Variants in PRDM16 observed in about 807,000 individuals in gnomAD.
PRDM16 encodes the protein histone-lysine N-methyltransferase PRDM16.
Under a neutral mutation model 110.6 loss-of-function variants are expected in PRDM16, and 23 were observed. The observed-to-expected ratio is 0.21, with a 90% CI of 0.15 to 0.29. The LOEUF (loss-of-function observed/expected upper bound fraction) is 0.29, where lower values mean the gene tolerates loss of function less well. PRDM16 is among the 10% of genes least tolerant of loss of function. The probability of loss-of-function intolerance (pLI) is 1.00; values close to 1 mark genes in which losing one functional copy is unlikely to be tolerated. For synonymous variants in PRDM16, 799 were observed against 781.8 expected, an observed-to-expected ratio of 1.02 and a Z score of -0.37; for missense variants, 1,615 against 1,794.3, an observed-to-expected ratio of 0.90 and a Z score of 1.81.
intron 1 of PRDM16, among the ~76,000 whole-genome samples, chr1:3,134,899 AG>A (rs1266548121): frequency 6.6e-6 from 1 of 152,114 alleles, no homozygotes; most frequent in Non-Finnish European, 1.5e-5. Flanking sequence ...GAGCCCGGCG[AG>A]GGGATCGGGC....
Position 3,080,160 on chromosome 1 carries a change from A to G in PRDM16, c.37+10864A>G, listed in dbSNP as rs543349449. On this transcript the variant is annotated intron_variant, in intron 1 of 16. Transcript: ENST00000270722. The surrounding 1 kb of genome is among the most constrained non-coding windows in gnomAD (Gnocchi z 5.2). The stretch of plus-strand genomic sequence containing the variant: ...GATAATCCCGGGCCCTGGTGCTTGC[A>G]TTTAGAAAAATTAGGCCCTCTTGAA... Among the ~76,000 whole-genome samples, 5 of 152,356 alleles carry G rather than the reference A, an allele frequency of 3.3e-5. No individual in the cohort carries two copies. The highest frequency in any genetic ancestry group is 5.9e-5 in the Non-Finnish European group (4 of 68,038).
Position 3,412,495 on chromosome 1 carries a change from C to T in PRDM16, c.2298C>T (p.Gly766=), listed in dbSNP as rs748019115. ...CCCGGGACGCCCTCAAGGTGGGCGG[C>T]CCCAGTGCCGAGTGCCCCTTTGATC... ...KSPRDALKVG[G]PSAECPFDLT... Residue 766 remains glycine (G), a synonymous_variant, in exon 9 of 17, where the codon GGC becomes GGT. Coordinates refer to ENST00000270722, the MANE Select transcript of PRDM16 (RefSeq NM_022114.4). 8 of 1,613,146 alleles carry T rather than the reference C, an allele frequency of 5.0e-6. No homozygotes were observed. The East Asian group carries it at 1.6e-4, about 31-fold the overall frequency.
intron 3 of PRDM16, among the ~76,000 whole-genome samples, chr1:3,262,070 G>C (rs557627299): frequency 2.0e-4 from 31 of 152,316 alleles, no homozygotes; most frequent in South Asian, 1.2e-3. Context: ...TGACTAATGC[G>C]CCCTCAGGCA....
In PRDM16 at chr1:3,094,832, T is replaced by C. The variant is rs1557441678; in HGVS notation, c.37+25536T>C. On this transcript the variant is annotated intron_variant, in intron 1 of 16. Transcript: ENST00000270722. The stretch of plus-strand genomic sequence containing the variant: ...AGGTGGGGCCTTGTCCCTGCTGCGG[T>C]TGCCGAGGGACTCTGGGTGGGAAGG... Among the ~76,000 whole-genome samples, 6 of 152,066 alleles carry C rather than the reference T, an allele frequency of 3.9e-5. No homozygotes were observed. In the South Asian group the frequency reaches 1.2e-3, roughly 32 times the overall value.
rs1339836733 is a variant in PRDM16 at position 3,358,946 on chromosome 1, G to C, written c.439-26206G>C. On this transcript the variant is annotated intron_variant, in intron 3 of 16. Transcript: ENST00000270722. The surrounding 1 kb of genome is among the most constrained non-coding windows in gnomAD (Gnocchi z 4.0). ...CCGGCTCCCATGAGGAATCAGAGGG[G>C]GAAAGCACAGCCGCTGTGGCTCATG... is the stretch of plus-strand genomic sequence containing the variant. Among the ~76,000 whole-genome samples, 1 of 152,190 alleles carries C rather than the reference G, an allele frequency of 6.6e-6. No homozygotes were observed.
At chr1:3,327,580 A>C (rs1207003043) in intron 3 of PRDM16, among the ~76,000 whole-genome samples, 1 of 152,248 alleles carries the variant, frequency 6.6e-6, no homozygotes, top group Non-Finnish European at 1.5e-5. Context: ...AGAGCGTATC[A>C]GCCGCTGCAC....
Position 3,425,837 on chromosome 1 carries a change from G to T in PRDM16, c.3109+87G>T. ...GAGGGGGAACAGCAGGGGAGTGGGC[G>T]CCGGGCAGGGAAGAGGGCCACAGAC... On this transcript the variant is annotated intron_variant, in intron 13 of 16. Transcript: ENST00000270722. This position sits in a 1 kb window ranked among gnomAD's most constrained non-coding sequence, Gnocchi z 6.9. 1 of 1,519,640 alleles carries T rather than the reference G, an allele frequency of 6.6e-7. No individual in the cohort carries two copies. The highest frequency in any genetic ancestry group is 9.0e-7 in the Non-Finnish European group (1 of 1,112,664). 94.1% of individuals were successfully genotyped at this position (1,519,640 alleles called of 1,614,324 possible). A position where few individuals can be genotyped will look rare whatever the true frequency, so the allele number is the denominator to read the frequency against.
At chr1:3,154,469 G>T (rs1176494761) in intron 1 of PRDM16, among the ~76,000 whole-genome samples, 1 of 152,196 alleles carries the variant, frequency 6.6e-6, no homozygotes, top group Non-Finnish European at 1.5e-5. Context: ...GCTTCCCAGG[G>T]GCTGCAGCAT....
intron 3 of PRDM16, among the ~76,000 whole-genome samples, chr1:3,277,791 A>ACACAAACGCACG (rs1161301431): frequency 2.0e-4 from 30 of 152,168 alleles, no homozygotes; most frequent in African/African-American, 6.0e-4. Context: ...ACATATGCAC[A>ACACAAACGCACG]CACAAACGCA....
chr1:3,145,898 CGGGGTCAGGCT>C (rs1557481894), intron 1 of PRDM16, among the ~76,000 whole-genome samples: 1 of 152,208 alleles, frequency 6.6e-6, no homozygotes, highest in African/African-American at 2.4e-5. Context: ...CCGGTCAGCC[CGGGGTCAGGCT>C]GACGTCCTGG....
intron 3 of PRDM16, among the ~76,000 whole-genome samples, chr1:3,356,589 G>C (rs1642607650): frequency 6.6e-6 from 1 of 152,216 alleles, no homozygotes; most frequent in South Asian, 2.1e-4. Flanking sequence ...ACAGCCCATG[G>C]AGCGTTTGCT....
At chr1:3,163,463 C>T (rs1413184531) in intron 1 of PRDM16, among the ~76,000 whole-genome samples, 1 of 152,180 alleles carries the variant, frequency 6.6e-6, no homozygotes, top group Admixed American at 6.5e-5. Flanking sequence ...ACGGTCCAGC[C>T]CAGAGTAGGT....
At chr1:3,344,829 C>G (rs1642332182) in intron 3 of PRDM16, among the ~76,000 whole-genome samples, 1 of 152,138 alleles carries the variant, frequency 6.6e-6, no homozygotes, top group Admixed American at 6.5e-5. Context: ...AGTGGAAAGC[C>G]AAAGGTGATC....
chr1:3,225,850 G>A (rs1639277697), intron 2 of PRDM16, among the ~76,000 whole-genome samples: 1 of 152,324 alleles, frequency 6.6e-6, no homozygotes, highest in East Asian at 1.9e-4. Context: ...AGCCGCCGGG[G>A]CAGCCAGATG....
intron 2 of PRDM16, among the ~76,000 whole-genome samples, chr1:3,193,471 G>A (rs559640049): frequency 6.6e-6 from 1 of 152,226 alleles, no homozygotes; most frequent in African/African-American, 2.4e-5. Context: ...AGCAGAACTT[G>A]TGTGTCCAGC....
In PRDM16 at chr1:3,195,525, G is replaced by A. The variant is rs149854071; in HGVS notation, c.387+9051G>A. On this transcript the variant is annotated intron_variant, in intron 2 of 16. Coordinates refer to ENST00000270722, the MANE Select transcript of PRDM16 (RefSeq NM_022114.4). ...AAATAAATATTTTCTTTTCATATTC[G>A]AGAGACATCTGTGAATACCAACTTC... Among the ~76,000 whole-genome samples the A allele has an allele frequency of 7.9e-5, 12 of 152,142 alleles. No homozygotes were observed. The East Asian group carries it at 1.9e-3, about 25-fold the overall frequency.
intron 3 of PRDM16, among the ~76,000 whole-genome samples, chr1:3,264,706 G>A (rs1048373409): frequency 6.6e-6 from 1 of 151,902 alleles, no homozygotes; most frequent in African/African-American, 2.4e-5. Flanking sequence ...AGGCAGGGGA[G>A]GGGCGTGGAG....
intron 1 of PRDM16, among the ~76,000 whole-genome samples, chr1:3,154,290 G>C (rs1034492558): frequency 1.3e-5 from 2 of 152,108 alleles, no homozygotes; most frequent in East Asian, 1.9e-4. Flanking sequence ...CGGCGTGGTG[G>C]GGGGGCAGGG....
Position 3,181,154 on chromosome 1 carries a change from T to G in PRDM16, c.38-4971T>G, listed in dbSNP as rs956507114. Among the ~76,000 whole-genome samples the G allele has an allele frequency of 2.3e-4, 30 of 132,678 alleles. 1 individual carries two copies. The highest frequency in any genetic ancestry group is 8.7e-4 in the African/African-American group (30 of 34,574). 87.0% of individuals were successfully genotyped at this position (132,678 alleles called of 152,430 possible). A position where few individuals can be genotyped will look rare whatever the true frequency, so the allele number is the denominator to read the frequency against. On this transcript the variant is annotated intron_variant, in intron 1 of 16. Coordinates refer to ENST00000270722, the MANE Select transcript of PRDM16 (RefSeq NM_022114.4). ...CTTACACGCGGTCTTACACACGCAG[T>G]CTTACACGCGGTCTTACGGTCTTAC...
Sources: allele counts gnomAD v4.1 joint callset (sites outside exome capture counted in the v4.1 genomes callset), GRCh38; gene constraint gnomAD v4.1.1; non-coding constraint Gnocchi (gnomAD v3.1); transcripts MANE v1.5; gene names NCBI Gene and HGNC (gene_info 2026-07-23, HGNC 2026-07-21).